CPHXL2: variants seen among roughly 807,000 people sequenced by gnomAD.
CPHXL2 encodes the protein cytoplasmic polyadenylated homeobox like 2.
the CPHXL2 span, among the ~76,000 whole-genome samples, chr16:75,672,363 A>T: frequency 8.5e-5 from 13 of 152,170 alleles, no homozygotes; most frequent in African/African-American, 2.9e-4. Flanking sequence ...GAGCAAGTGA[A>T]TATAAATTGA....
At chr16:75,671,217 A>G in the CPHXL2 span, among the ~76,000 whole-genome samples, 1 of 152,142 alleles carries the variant, frequency 6.6e-6, no homozygotes, top group African/African-American at 2.4e-5. Flanking sequence ...AAAATTAGCC[A>G]GGCGTGGTGG....
chr16:75,669,568 A>G, the CPHXL2 span: 1 of 398,776 alleles, frequency 2.5e-6, no homozygotes, highest in South Asian at 1.3e-4. Flanking sequence ...TGACAAAAGT[A>G]TAAGTAGCGA....
At chr16:75,662,306 C>CT in the CPHXL2 span, among the ~76,000 whole-genome samples, 2,436 of 142,048 alleles carry the variant, frequency 0.017, 61 homozygotes, top group African/African-American at 0.05. Context: ...CCCAAACCCA[C>CT]TTTTTTTTTT....
At chr16:75,666,082 G>A in the CPHXL2 span, among the ~76,000 whole-genome samples, 1 of 152,094 alleles carries the variant, frequency 6.6e-6, no homozygotes, top group African/African-American at 2.4e-5. Context: ...GTAAAGGGGT[G>A]AAAAAGGACA....
At chr16:75,674,820 C>A in the CPHXL2 span, among the ~76,000 whole-genome samples, 2 of 151,670 alleles carry the variant, frequency 1.3e-5, no homozygotes, top group African/African-American at 4.8e-5. Flanking sequence ...AGCGATTCTC[C>A]TGCCTCAGAT....
chr16:75,667,478 C>A, the CPHXL2 span, among the ~76,000 whole-genome samples: 1 of 152,050 alleles, frequency 6.6e-6, no homozygotes, highest in African/African-American at 2.4e-5. Flanking sequence ...TATTACAGAA[C>A]ACAGAGAGCA....
chr16:75,664,069 C>T, the CPHXL2 span, among the ~76,000 whole-genome samples: 1 of 152,156 alleles, frequency 6.6e-6, no homozygotes, highest in Non-Finnish European at 1.5e-5. Context: ...AACTAACTAC[C>T]AATCAGAAAA....
At chr16:75,670,584 C>A in the CPHXL2 span, among the ~76,000 whole-genome samples, 2 of 152,198 alleles carry the variant, frequency 1.3e-5, no homozygotes, top group South Asian at 4.1e-4. Flanking sequence ...TCTCTATTTA[C>A]TGCAACGTCC....
At chr16:75,662,837 C>G in the CPHXL2 span, among the ~76,000 whole-genome samples, 1 of 138,598 alleles carries the variant, frequency 7.2e-6, no homozygotes, top group Non-Finnish European at 1.5e-5. Context: ...CTCGCTCTGT[C>G]GTCCAGGCTG....
the CPHXL2 span, among the ~76,000 whole-genome samples, chr16:75,671,172 CAGGAGTTCG>C: frequency 2.8e-3 from 429 of 152,256 alleles, 1 homozygote; most frequent in African/African-American, 9.7e-3. Flanking sequence ...AACTTGAGGT[CAGGAGTTCG>C]AGGATAGCCT....
the CPHXL2 span, among the ~76,000 whole-genome samples, chr16:75,673,195 G>A: frequency 6.6e-6 from 1 of 151,932 alleles, no homozygotes; most frequent in Non-Finnish European, 1.5e-5. Flanking sequence ...AGCACTTTGG[G>A]AGGACCAGGC....
At chr16:75,666,716 C>T in the CPHXL2 span, among the ~76,000 whole-genome samples, 3 of 151,818 alleles carry the variant, frequency 2.0e-5, no homozygotes, top group African/African-American at 7.3e-5. Flanking sequence ...AAGCTATACT[C>T]TGGAACAAAT....
At chr16:75,664,580 G>A in the CPHXL2 span, among the ~76,000 whole-genome samples, 13 of 143,336 alleles carry the variant, frequency 9.1e-5, no homozygotes, top group Admixed American at 2.2e-4. Flanking sequence ...AGGTGAGATC[G>A]TGCCATTGCA....
chr16:75,660,407 T>G, the CPHXL2 span: 1 of 398,664 alleles, frequency 2.5e-6, no homozygotes, highest in Non-Finnish European at 4.4e-6. Flanking sequence ...TGGCAGCTAT[T>G]TGGGGAGGCA....
chr16:75,660,909 C>T, the CPHXL2 span: 4 of 398,648 alleles, frequency 1.0e-5, no homozygotes, highest in Non-Finnish European at 1.8e-5. Flanking sequence ...GCACTGGGAA[C>T]CCACCTGTTG....
the CPHXL2 span, among the ~76,000 whole-genome samples, chr16:75,675,366 A>G: frequency 6.6e-6 from 1 of 151,806 alleles, no homozygotes; most frequent in Non-Finnish European, 1.5e-5. Context: ...ATAATATTAT[A>G]TATAATATCA....
At chr16:75,661,822 A>C in the CPHXL2 span, among the ~76,000 whole-genome samples, 2 of 152,180 alleles carry the variant, frequency 1.3e-5, no homozygotes, top group African/African-American at 4.8e-5. Context: ...CTCTGTGAGG[A>C]GAAGAAACAA....
chr16:75,675,845 G>A, the CPHXL2 span, among the ~76,000 whole-genome samples: 2 of 152,166 alleles, frequency 1.3e-5, no homozygotes, highest in Non-Finnish European at 2.9e-5. Context: ...TTGGGAGACC[G>A]AGGTGGGTGG....
the CPHXL2 span, among the ~76,000 whole-genome samples, chr16:75,675,388 T>G: frequency 1.3e-5 from 2 of 151,960 alleles, no homozygotes; most frequent in Non-Finnish European, 2.9e-5. Flanking sequence ...TGGTATTGCA[T>G]TGAGAGTTTA....
Sources: allele counts gnomAD v4.1 joint callset (sites outside exome capture counted in the v4.1 genomes callset), GRCh38; gene constraint gnomAD v4.1.1; transcripts MANE v1.5; gene names NCBI Gene and HGNC (gene_info 2026-07-23, HGNC 2026-07-21).